SYNPO: variants seen among roughly 807,000 people sequenced by gnomAD.
SYNPO encodes synaptopodin.
Under a neutral mutation model 49.5 loss-of-function variants are expected in SYNPO, and 19 were observed. That is an observed-to-expected ratio of 0.38 (90% CI 0.27 to 0.56). SYNPO has a LOEUF of 0.56. Among genes scored for constraint, SYNPO ranks in the 20% least tolerant of loss-of-function variants. SYNPO has a pLI of 0.68. For missense variants in SYNPO, 1,131 were observed against 1,248.3 expected (o/e 0.91, Z 1.42); for synonymous variants, 536 against 548.0 (o/e 0.98, Z 0.31).
chr5:150,591,163 C>G, the SYNPO span, among the ~76,000 whole-genome samples: 1 of 151,986 alleles, frequency 6.6e-6, no homozygotes, highest in East Asian at 1.9e-4. Context: ...CCGGAGGCAG[C>G]CAGAGTGGAA....
In SYNPO at chr5:150,648,785, C is replaced by T. The variant is rs755868805; in HGVS notation, c.510C>T (p.Phe170=). 2.5e-6 allele frequency: 4 copies of T among 1,614,140 alleles called. No homozygotes were observed. The African/African-American group carries it at 5.3e-5, about 22-fold the overall frequency. ...CTCCAGCTACCACCACCAGCACCTT[C>T]TCCAGAGAAGCTACGCTCATCCCCA... ...VSTPATTTST[F]SREATLIPSS... is the part of the protein sequence containing the mutation. The change falls in exon 2 of 3, where the codon TTC becomes TTT. Residue 170 remains phenylalanine (F), a synonymous_variant. Transcript: ENST00000307662. This position sits in a 1 kb window ranked among gnomAD's most constrained non-coding sequence, Gnocchi z 5.0.
the SYNPO span, among the ~76,000 whole-genome samples, chr5:150,587,161 T>A: frequency 6.6e-6 from 1 of 152,036 alleles, no homozygotes; most frequent in Non-Finnish European, 1.5e-5. Context: ...TAGGGGTACA[T>A]GGGTGGATAT....
Position 150,634,044 on chromosome 5 carries a change from A to C in SYNPO, c.401-13900A>C, listed in dbSNP as rs61051686. On this transcript the variant is annotated intron_variant, in intron 2 of 2. Coordinates refer to the SYNPO transcript ENST00000394243. ...TAACATTATGGAGTCTTACTGTGTGAAAGTCTGTATTCCAGACATTTTCTT... is the reference window on the plus strand; with the variant it reads ...TAACATTATGGAGTCTTACTGTGTGCAAGTCTGTATTCCAGACATTTTCTT... 0.017 allele frequency among the ~76,000 whole-genome samples: 2,565 copies of C among 152,314 alleles called. 105 individuals carry two copies. The East Asian group carries it at 0.18, about 11-fold the overall frequency.
upstream of SYNPO, chr5:150,600,963 T>C (rs1756510486): frequency 6.6e-6 from 1 of 152,114 alleles, no homozygotes. Flanking sequence ...TCCCATATGC[T>C]CGGAAACAAA....
At chr5:150,640,229 T>C (rs1757850860), upstream of SYNPO, 1 of 947,862 alleles carries the variant, frequency 1.1e-6, no homozygotes, top group Admixed American at 6.2e-5. Flanking sequence ...TGAAGGCTTT[T>C]TGGAGGGGGT....
At chr5:150,594,312 A>G in the SYNPO span, among the ~76,000 whole-genome samples, 1 of 152,166 alleles carries the variant, frequency 6.6e-6, no homozygotes, top group East Asian at 1.9e-4. Flanking sequence ...CTTGGCTGCT[A>G]CACAAAGGGG....
intron 1 of SYNPO, among the ~76,000 whole-genome samples, chr5:150,646,873 A>G (rs1488848132): frequency 6.6e-6 from 1 of 152,242 alleles, no homozygotes; most frequent in Non-Finnish European, 1.5e-5. Context: ...CTGGGGGTTC[A>G]TTTGTGCATT....
rs763917202 is a variant in SYNPO, at chr5:150,648,992, G to T, written c.717G>T (p.Thr239=). The T allele has an allele frequency of 1.9e-6, 3 of 1,614,236 alleles. No homozygotes were observed. Among genetic ancestry groups the T allele is most frequent in the Non-Finnish European group, 2.5e-6 (3 of 1,180,042 alleles). The change falls in exon 2 of 3, where the codon ACG becomes ACT. Residue 239 remains threonine (T), a synonymous_variant. Transcript: ENST00000307662. This position sits in a 1 kb window ranked among gnomAD's most constrained non-coding sequence, Gnocchi z 5.0. ...LAKPPSVVNR[T]ARPFGIQAPG... is the part of the protein sequence containing the mutation. ...AGCCCCCATCAGTGGTCAACAGGAC[G>T]GCCAGGCCTTTTGGGATCCAGGCGC...
chr5:150,639,205 G>A (rs1026938810), upstream of SYNPO, among the ~76,000 whole-genome samples: 1 of 152,232 alleles, frequency 6.6e-6, no homozygotes, highest in Non-Finnish European at 1.5e-5. Flanking sequence ...GGTCAGGCTT[G>A]CGCTGACTGT....
intron 2 of SYNPO, among the ~76,000 whole-genome samples, chr5:150,626,690 G>A (rs545381176): frequency 2.0e-4 from 31 of 152,338 alleles, no homozygotes; most frequent in African/African-American, 6.5e-4. Flanking sequence ...ATTCAGGCGC[G>A]TGGTTCCTGG....
intron 1 of SYNPO, among the ~76,000 whole-genome samples, chr5:150,644,078 G>A (rs1195579662): frequency 1.3e-5 from 2 of 151,886 alleles, no homozygotes; most frequent in African/African-American, 4.8e-5. Flanking sequence ...AGGAGGCTGA[G>A]GTGGGAGGAT....
chr5:150,593,399 C>T, the SYNPO span, among the ~76,000 whole-genome samples: 2 of 152,190 alleles, frequency 1.3e-5, no homozygotes, highest in African/African-American at 2.4e-5. Context: ...CAGCTTCAGG[C>T]AACACTCCTT....
At chr5:150,631,606 G>A (rs1436514721) in intron 2 of SYNPO, among the ~76,000 whole-genome samples, 1 of 152,194 alleles carries the variant, frequency 6.6e-6, no homozygotes, top group Admixed American at 6.5e-5. Context: ...AGGGGCTTGA[G>A]GCGGATCATA....
In SYNPO at chr5:150,656,706, C is replaced by T; in HGVS notation, c.2331C>T (p.Ala777=). The T allele has an allele frequency of 3.5e-6, 5 of 1,447,226 alleles. No homozygotes were observed. The highest frequency in any genetic ancestry group is 4.5e-6 in the Non-Finnish European group (5 of 1,102,926). 89.6% of individuals were successfully genotyped at this position (1,447,226 alleles called of 1,614,324 possible). A position where few individuals can be genotyped will look rare whatever the true frequency, so the allele number is the denominator to read the frequency against. ...RKSASPRSAG[A]ENPRPFSPPR... ...GCGCCTCCCCGCGGTCGGCGGGCGC[C>T]GAGAACCCGCGGCCCTTCTCCCCGC... Residue 777 remains alanine (A), a synonymous_variant, in exon 3 of 3, where the codon GCC becomes GCT. Transcript: ENST00000307662.
At position 150,648,980 on chromosome 5, in the gene SYNPO, G is replaced by A. The variant is rs201992442; in HGVS notation, c.705G>A (p.Val235=). 3 of 1,614,128 alleles carry A rather than the reference G, an allele frequency of 1.9e-6. No individual in the cohort carries two copies. Among genetic ancestry groups the A allele is most frequent in the East Asian group, 4.5e-5 (2 of 44,888 alleles). The change falls in exon 2 of 3, where the codon GTG becomes GTA. Residue 235 remains valine (V), a synonymous_variant. Coordinates refer to ENST00000307662, the MANE Select transcript of SYNPO (RefSeq NM_007286.6). The surrounding 1 kb of genome is among the most constrained non-coding windows in gnomAD (Gnocchi z 5.0). ...TCACACTGGCCAAGCCCCCATCAGTGGTCAACAGGACGGCCAGGCCTTTTG... is the reference window on the plus strand; with the variant it reads ...TCACACTGGCCAAGCCCCCATCAGTAGTCAACAGGACGGCCAGGCCTTTTG... ...VHFTLAKPPS[V]VNRTARPFGI...
At chr5:150,624,465 G>A (rs978258986) in intron 2 of SYNPO, among the ~76,000 whole-genome samples, 1 of 152,178 alleles carries the variant, frequency 6.6e-6, no homozygotes, top group African/African-American at 2.4e-5. Flanking sequence ...AGGACAGACC[G>A]ACCGACCTAG....
rs1561658841 is a variant in SYNPO at position 150,650,302 on chromosome 5, A to T, written c.2027A>T (p.Gln676Leu). The stretch of plus-strand genomic sequence containing the variant: ...ACCCGGAACGCCGGGATCGAGGCTC[A>T]GGTGTGGAAGCCTTCCTTCTGCTTC... ...FSTRNAGIEAQDRRESLPTSP... is the reference protein window; with the variant it reads ...FSTRNAGIEALDRRESLPTSP... Residue 676 changes from glutamine to leucine, a missense_variant and splice_region_variant, in exon 2 of 3, where the codon CAG becomes CTG. By Grantham distance (113) the Gln-to-Leu change is moderately radical. Around this residue, in one of 4 missense-constraint regions of SYNPO, gnomAD observed 509 missense variants for 484.5 expected, o/e 1.05. Coordinates refer to ENST00000307662, the MANE Select transcript of SYNPO (RefSeq NM_007286.6). 6.2e-7 allele frequency: 1 copy of T among 1,614,074 alleles called. No individual in the cohort carries two copies. Among genetic ancestry groups the T allele is most frequent in the Admixed American group, 1.7e-5 (1 of 60,026 alleles).
chr5:150,650,530 C>A, intron 2 of SYNPO: 1 of 1,473,488 alleles, frequency 6.8e-7, no homozygotes, highest in Non-Finnish European at 9.0e-7. Flanking sequence ...CGCCCCTCCC[C>A]TACTACAACA....
the SYNPO span, among the ~76,000 whole-genome samples, chr5:150,590,601 C>T: frequency 6.6e-6 from 1 of 152,322 alleles, no homozygotes; most frequent in African/African-American, 2.4e-5. Flanking sequence ...CTGAGGGTGG[C>T]GCTTGTGTGG....
Sources: gnomAD v4.1 joint callset for allele counts (sites outside exome capture counted in the v4.1 genomes callset) on GRCh38, gnomAD v4.1.1 for gene constraint, gnomAD v4.1.1 regional missense constraint, Gnocchi (gnomAD v3.1) non-coding constraint, MANE v1.5 for transcripts, NCBI Gene and HGNC (gene_info 2026-07-23, HGNC 2026-07-21) for gene names.